Variants in AFF2 observed in about 807,000 individuals in gnomAD.
AFF2 encodes ALF transcription elongation factor 2.
A neutral mutation model predicts 76.9 loss-of-function variants in AFF2; 14 were observed. That is an observed-to-expected ratio of 0.18 (90% CI 0.12 to 0.28). AFF2 has a LOEUF of 0.28. Among genes scored for constraint, AFF2 ranks in the 10% least tolerant of loss-of-function variants. The pLI is 1.00. For missense variants in AFF2, 868 were observed against 1,001.1 expected (o/e 0.87, Z 1.79); for synonymous variants, 398 against 366.7 (o/e 1.09, Z -0.98).
intron 7 of AFF2, among the ~76,000 whole-genome samples, chrX:148,854,031 G>A (rs1342205389): frequency 8.9e-6 from 1 of 111,778 alleles, no homozygotes; most frequent in East Asian, 2.8e-4. Flanking sequence ...TTTATGCAGC[G>A]CTTTAAAATT....
At chrX:148,896,271 C>T (rs781842177) in intron 8 of AFF2, among the ~76,000 whole-genome samples, 64 of 111,729 alleles carry the variant, frequency 5.7e-4, no homozygotes, top group South Asian at 1.1e-3. Flanking sequence ...CAGCTTCCCT[C>T]GGGAGCCATG....
chrX:148,750,201 C>G (rs891530637), intron 3 of AFF2, among the ~76,000 whole-genome samples: 2 of 110,449 alleles, frequency 1.8e-5, no homozygotes, highest in Non-Finnish European at 3.8e-5. Flanking sequence ...AACTCCTGAC[C>G]TCAGGTGATT....
At chrX:148,603,428 A>G (rs113630047) in intron 1 of AFF2, among the ~76,000 whole-genome samples, 2,829 of 99,122 alleles carry the variant, frequency 0.029, 90 homozygotes, top group African/African-American at 0.098. Context: ...CTAGATATAA[A>G]ATCTAGCCAC....
At position 148,955,603 on chromosome X, in the gene AFF2, C is replaced by A. The variant is rs899028170; in HGVS notation, c.1558C>A (p.Pro520Thr). The A allele has an allele frequency of 2.5e-6, 3 of 1,194,801 alleles. No homozygotes were observed. The highest frequency in any genetic ancestry group is 3.0e-5 in the East Asian group (1 of 33,691). ...CTTGCTGCTGTTTCTCAATCTGCAG[C>A]CTGAGCCACCCTCAACCAACAAGTG... The part of the protein sequence containing the change: ...NEAPRVATPE[P>T]EPPSTNKWQL... Residue 520 changes from proline to threonine, a missense_variant and splice_region_variant, in exon 11 of 21, where the codon CCT (proline) becomes ACT (threonine). By Grantham distance (38) the Pro-to-Thr change is conservative. This residue lies in a region of AFF2 where 532 missense variants were observed against 564.2 expected (regional missense o/e 0.94). Transcript: ENST00000370460.
intron 3 of AFF2, among the ~76,000 whole-genome samples, chrX:148,687,453 A>G (rs1312224649): frequency 8.9e-6 from 1 of 112,123 alleles, no homozygotes; most frequent in Non-Finnish European, 1.9e-5. Flanking sequence ...AGCAGAAAAT[A>G]TAATATGTAA....
chrX:148,755,370 C>G, intron 3 of AFF2, among the ~76,000 whole-genome samples: 1 of 111,589 alleles, frequency 9.0e-6, no homozygotes, highest in Admixed American at 9.6e-5. Context: ...TGACCTAGCT[C>G]TGAGTCATGT....
At chrX:148,872,923 G>A in intron 7 of AFF2, among the ~76,000 whole-genome samples, 2 of 111,779 alleles carry the variant, frequency 1.8e-5, no homozygotes, top group South Asian at 7.6e-4. Context: ...GTGGATTAGA[G>A]TTTCAACTCT....
In AFF2 at chrX:148,662,477, G is replaced by T; in HGVS notation, c.750G>T (p.Gly250=). The T allele has an allele frequency of 3.3e-6, 4 of 1,211,847 alleles. No individual in the cohort carries two copies. The highest frequency in any genetic ancestry group is 1.8e-5 in the South Asian group (1 of 57,004). The part of the protein sequence containing the change: ...EESEFAVQAP[G]SPLVASSLLA... ...CTGAATTCGCCGTGCAAGCGCCTGG[G>T]TCTCCCCTAGTGGCTTCCTCTTTAT... Residue 250 remains glycine, a synonymous_variant, in exon 3 of 21, where the codon GGG becomes GGT. Coordinates refer to ENST00000370460, the MANE Select transcript of AFF2 (RefSeq NM_002025.4).
At chrX:148,665,644 G>A (rs886222437) in intron 3 of AFF2, among the ~76,000 whole-genome samples, 4 of 111,341 alleles carry the variant, frequency 3.6e-5, no homozygotes, top group African/African-American at 6.5e-5. Context: ...ACAGGGAGGA[G>A]CATTATGGAG....
At chrX:148,852,953 A>T (rs2070748284) in intron 7 of AFF2, among the ~76,000 whole-genome samples, 1 of 111,602 alleles carries the variant, frequency 9.0e-6, no homozygotes, top group South Asian at 3.8e-4. Flanking sequence ...GGTTGATAAG[A>T]TTAAACTGAT....
intron 15 of AFF2, among the ~76,000 whole-genome samples, chrX:148,969,927 A>G (rs1354389517): frequency 9.0e-6 from 1 of 111,436 alleles, no homozygotes; most frequent in East Asian, 2.8e-4. Context: ...TTGGCTATTA[A>G]TTGGCACTAT....
intron 1 of AFF2, among the ~76,000 whole-genome samples, chrX:148,512,421 C>T (rs886298761): frequency 9.8e-5 from 11 of 112,036 alleles, no homozygotes; most frequent in Non-Finnish European, 2.1e-4. Context: ...AAAGGACACC[C>T]ACGACACACG....
intron 3 of AFF2, among the ~76,000 whole-genome samples, chrX:148,704,956 C>T (rs369456636): frequency 3.6e-5 from 4 of 111,075 alleles, no homozygotes; most frequent in Admixed American, 1.9e-4. Flanking sequence ...CAAGAGCTAC[C>T]GTGCCCGGCC....
At chrX:148,683,525 G>A (rs1557260112) in intron 3 of AFF2, among the ~76,000 whole-genome samples, 1 of 112,126 alleles carries the variant, frequency 8.9e-6, no homozygotes, top group African/African-American at 3.2e-5. Flanking sequence ...TCTTGCGAAT[G>A]AAGAGGTCTG....
chrX:148,519,632 G>A (rs782491470), intron 1 of AFF2, among the ~76,000 whole-genome samples: 9 of 112,031 alleles, frequency 8.0e-5, no homozygotes, highest in Non-Finnish European at 1.5e-4. Flanking sequence ...TGTGCCATTC[G>A]GAGACCCGAG....
intron 9 of AFF2, among the ~76,000 whole-genome samples, chrX:148,924,387 C>T (rs1378971061): frequency 3.6e-5 from 4 of 111,739 alleles, no homozygotes; most frequent in Non-Finnish European, 5.7e-5. Flanking sequence ...TAGCAAACAT[C>T]GGTTTTCTTT....
chrX:148,833,272 C>T (rs782282860), intron 4 of AFF2, among the ~76,000 whole-genome samples: 12 of 111,548 alleles, frequency 1.1e-4, no homozygotes, highest in South Asian at 3.8e-4. Flanking sequence ...AGGCAGTGAA[C>T]GCTTCAAAAA....
chrX:148,785,747 T>TA (rs782670326), intron 3 of AFF2, among the ~76,000 whole-genome samples: 2 of 112,196 alleles, frequency 1.8e-5, no homozygotes, highest in African/African-American at 6.5e-5. Context: ...AGGTCAGCTG[T>TA]AAAAAATTAA....
At chrX:148,883,458 T>C (rs1424375751) in intron 7 of AFF2, among the ~76,000 whole-genome samples, 3 of 111,526 alleles carry the variant, frequency 2.7e-5, no homozygotes, top group Admixed American at 1.9e-4. Context: ...ACCACCCTCC[T>C]GTGATGGAAC....
Sources: allele counts gnomAD v4.1 joint callset (sites outside exome capture counted in the v4.1 genomes callset), GRCh38; gene constraint gnomAD v4.1.1; regional missense constraint gnomAD v4.1.1; transcripts MANE v1.5; gene names NCBI Gene and HGNC (gene_info 2026-07-23, HGNC 2026-07-21).